The following KCNH3 variants were observed in gnomAD, a reference collection of about 807,000 sequenced individuals.
KCNH3 encodes potassium voltage-gated channel subfamily H member 3, also known as voltage-gated inwardly rectifying potassium channel KCNH3.
Under a neutral mutation model 95.6 loss-of-function variants are expected in KCNH3, and 36 were observed. That is an observed-to-expected ratio of 0.38 (90% confidence interval 0.29 to 0.50). The LOEUF is 0.50. Ranked by LOEUF, KCNH3 falls within the 20% of genes least tolerant of loss-of-function variation. The pLI, the probability that KCNH3 is intolerant of heterozygous loss-of-function variation, is 0.95. For missense variants in KCNH3, 1,030 were observed against 1,484.1 expected (o/e 0.69, Z 5.03); for synonymous variants, 620 against 646.3 (o/e 0.96, Z 0.62).
At position 49,557,450 on chromosome 12, in the gene KCNH3, CCGTGCCCTCGGGCATCGGGAGAGGGG is replaced by C. The variant is rs1364965645; in HGVS notation, c.2751_2776del (p.Cys918ValfsTer85). ...TGTCCTGGCGCCCCACAGGGAGGGT[CCGTGCCCTCGGGCATCGGGAGAGGGG>C]CCGTGCCCAGCCAGCACCTCCGGGC... On this transcript the variant is annotated frameshift_variant, in exon 15 of 15. Transcript: ENST00000257981. LOFTEE classifies it high-confidence loss of function. 6.2e-6 allele frequency: 10 copies of C among 1,610,460 alleles called. No homozygotes were observed. The highest frequency in any genetic ancestry group is 7.6e-6 in the Non-Finnish European group (9 of 1,178,534).
At position 49,554,568 on chromosome 12, in the gene KCNH3, G is replaced by A. The variant is rs747928840; in HGVS notation, c.2136+14G>A. ...GGCTCTGCAGAGGTGAGTGTGCTGA[G>A]TATGTGCTTGGAGGGGATGGGGGTG... is the stretch of plus-strand genomic sequence containing the variant. On this transcript the variant is annotated intron_variant, in intron 11 of 14. Coordinates refer to ENST00000257981, the MANE Select transcript of KCNH3 (RefSeq NM_012284.3). 2 of 1,602,464 alleles carry A rather than the reference G, an allele frequency of 1.2e-6. No individual in the cohort carries two copies. Among genetic ancestry groups the A allele is most frequent in the South Asian group, 1.1e-5 (1 of 90,896 alleles).
chr12:49,546,648 C>T (rs1282067085), intron 7 of KCNH3, among the ~76,000 whole-genome samples: 6 of 152,194 alleles, frequency 3.9e-5, no homozygotes, highest in South Asian at 2.1e-4. Flanking sequence ...CCTTGGTGTG[C>T]GAGCCCCCAG....
At chr12:49,546,170 G>A (rs1902330) in intron 7 of KCNH3, 27,229 of 152,010 alleles carry the variant, frequency 0.18, 3,362 homozygotes, top group African/African-American at 0.36. Flanking sequence ...AAGACCTTCA[G>A]CTCCCAAGAA....
rs757594344 is a variant in KCNH3 at position 49,549,143 on chromosome 12, ATCT to A, written c.1442_1444del (p.Phe481del). On this transcript the variant is annotated inframe_deletion, in exon 8 of 15. Transcript: ENST00000257981. ...GTCCGCCAACACGGACACCGAGAAGATCTTCTCCATCTGCACCATGCTCATCGG... is the reference window on the plus strand; with the variant it reads ...GTCCGCCAACACGGACACCGAGAAGATCTCCATCTGCACCATGCTCATCGG... 1 of 1,610,104 alleles carries A rather than the reference ATCT, an allele frequency of 6.2e-7. No homozygotes were observed. Among genetic ancestry groups the A allele is most frequent in the South Asian group, 1.1e-5 (1 of 90,812 alleles).
chr12:49,545,502 C>T (rs1353629171), intron 7 of KCNH3, among the ~76,000 whole-genome samples: 1 of 150,600 alleles, frequency 6.6e-6, no homozygotes, highest in Admixed American at 6.6e-5. Flanking sequence ...ACGCCATTCT[C>T]CTGCCTCAGC....
In KCNH3 at chr12:49,555,924, G is replaced by T. The variant is rs1938425832; in HGVS notation, c.2441G>T (p.Trp814Leu). 6.4e-7 allele frequency: 1 copy of T among 1,570,496 alleles called. No homozygotes were observed. Among genetic ancestry groups the T allele is most frequent in the Middle Eastern group, 1.7e-4 (1 of 5,878 alleles). The part of the protein sequence containing the change: ...LEGLRLPPMP[W>L]NVPPDLSPRV... ...GGGCTACGGCTGCCCCCCATGCCAT[G>T]GAATGTGCCCCCAGATCTGAGCCCC... Residue 814 changes from tryptophan to leucine, a missense_variant, in exon 12 of 15, where the codon TGG (tryptophan) becomes TTG (leucine). Physicochemically the swap from Trp to Leu is moderately conservative, Grantham distance 61. This residue lies in a region of KCNH3 where 464 missense variants were observed against 493.2 expected (regional missense o/e 0.94). Coordinates refer to ENST00000257981, the MANE Select transcript of KCNH3 (RefSeq NM_012284.3).
chr12:49,541,454 TC>T (rs2138137428), intron 2 of KCNH3, among the ~76,000 whole-genome samples, 175 bp from the exon 3 acceptor site: 1 of 152,344 alleles, frequency 6.6e-6, no homozygotes, highest in Admixed American at 6.5e-5. Flanking sequence ...CTCCCTTGCT[TC>T]CTTCCCCCAA....
At chr12:49,557,088 G>A (rs926773532) in intron 13 of KCNH3, 95 bp from the exon 14 acceptor site, 3 of 1,210,152 alleles carry the variant, frequency 2.5e-6, no homozygotes, top group Non-Finnish European at 2.4e-6. Flanking sequence ...GGTCCTACCA[G>A]GTCAATGTGC....
chr12:49,539,594 C>T lies in KCNH3; in HGVS notation c.76+102C>T. ...CAGCCCAGCTTGGCGCCAGCCTATT[C>T]TCACCCTCTCCTCCCTACCCGCCCC... On this transcript the variant is annotated intron_variant, in intron 1 of 14. Transcript: ENST00000257981. This position sits in a 1 kb window ranked among gnomAD's most constrained non-coding sequence, Gnocchi z 6.7. The T allele has an allele frequency of 1.0e-6, 1 of 987,712 alleles. No homozygotes were observed. The allele number at this position is 987,712 out of a possible 1,614,324, so 61.2% of individuals were successfully genotyped here. A position where few individuals can be genotyped will look rare whatever the true frequency, so the allele number is the denominator to read the frequency against.
intron 13 of KCNH3, 128 bp from the exon 14 acceptor site, chr12:49,557,055 A>G: frequency 2.2e-6 from 2 of 917,824 alleles, no homozygotes; most frequent in Non-Finnish European, 3.4e-6. Context: ...GGGCAAGGCC[A>G]GAAGAGATGA....
intron 5 of KCNH3, 23 bp downstream of exon 5, chr12:49,543,541 G>A (rs532106832): frequency 2.3e-5 from 37 of 1,580,870 alleles, no homozygotes; most frequent in Admixed American, 1.3e-4. Context: ...TGCCCCTTCC[G>A]CCCCACCCTT....
rs1937945420 is a variant in KCNH3 at position 49,543,535 on chromosome 12, C to T, written c.823+17C>T. On this transcript the variant is annotated intron_variant, in intron 5 of 14. Transcript: ENST00000257981. Reference sequence around the variant, plus strand: ...TCATCCTTGGTGCGTGCACTCTGCCCCTTCCGCCCCACCCTTTGCTGGCGC... The same window carrying T: ...TCATCCTTGGTGCGTGCACTCTGCCTCTTCCGCCCCACCCTTTGCTGGCGC... 4 of 1,583,234 alleles carry T rather than the reference C, an allele frequency of 2.5e-6. No individual in the cohort carries two copies. Among genetic ancestry groups the T allele is most frequent in the African/African-American group, 2.7e-5 (2 of 74,750 alleles).
chr12:49,542,617 TG>T, intron 3 of KCNH3, 88 bp from the exon 4 acceptor site: 1 of 1,423,212 alleles, frequency 7.0e-7, no homozygotes, highest in African/African-American at 1.4e-5. Context: ...GACCAGTCCA[TG>T]GGCCAGCAAC....
intron 7 of KCNH3, 127 bp downstream of exon 7, chr12:49,544,509 G>A (rs970648694): frequency 1.5e-5 from 14 of 917,192 alleles, no homozygotes; most frequent in African/African-American, 6.5e-5. Context: ...TCAGAGAAGA[G>A]GGTGTGCAGG....
At position 49,556,255 on chromosome 12, in the gene KCNH3, G is replaced by C. The variant is rs935945122; in HGVS notation, c.2469-115G>C. 3.8e-6 allele frequency: 3 copies of C among 780,580 alleles called. No individual in the cohort carries two copies. In the African/African-American group the frequency reaches 5.1e-5, roughly 13 times the overall value. The allele number at this position is 780,580 out of a possible 1,614,324, so 48.4% of individuals were successfully genotyped here. On this transcript the variant is annotated intron_variant, in intron 12 of 14. Coordinates refer to ENST00000257981, the MANE Select transcript of KCNH3 (RefSeq NM_012284.3). Reference sequence around the variant, plus strand: ...CATGTTAGCTTTCTCCTGGGCTCCTGGTCAGTTCCACGCTCCTGCAGCCTG... The same window carrying C: ...CATGTTAGCTTTCTCCTGGGCTCCTCGTCAGTTCCACGCTCCTGCAGCCTG...
chr12:49,544,141 T>TGCCAGCCCCG, intron 6 of KCNH3, 34 bp from the exon 7 acceptor site: 1 of 1,413,422 alleles, frequency 7.1e-7, no homozygotes, highest in Non-Finnish European at 9.7e-7. Flanking sequence ...CCCGCTGACC[T>TGCCAGCCCCG]CCCTCCCTCC....
chr12:49,541,230 C>G (rs140639580), intron 2 of KCNH3, 98 bp downstream of exon 2: 10 of 871,928 alleles, frequency 1.1e-5, no homozygotes, highest in Non-Finnish European at 1.8e-5. Flanking sequence ...TTGCCATCTT[C>G]TCCATCTCCC....
chr12:49,552,649 G>A (rs535241488), intron 10 of KCNH3, among the ~76,000 whole-genome samples: 8 of 152,234 alleles, frequency 5.3e-5, no homozygotes, highest in Non-Finnish European at 1.2e-4. Flanking sequence ...CTAAGCATAC[G>A]CAAAGTCCGT....
At position 49,541,002 on chromosome 12, in the gene KCNH3, C is replaced by G. The variant is rs1196750012; in HGVS notation, c.180C>G (p.Val60=). ...CDLTGFSRAE[V]MQRGCACSFL... ...TCACGGGCTTCTCCCGGGCTGAGGT[C>G]ATGCAGCGGGGCTGTGCCTGCTCCT... is the stretch of plus-strand genomic sequence containing the variant. The change falls in exon 2 of 15, where the codon GTC becomes GTG. Residue 60 remains valine, a synonymous_variant. Transcript: ENST00000257981. 1 of 1,614,128 alleles carries G rather than the reference C, an allele frequency of 6.2e-7. No homozygotes were observed. Among genetic ancestry groups the G allele is most frequent in the Admixed American group, 1.7e-5 (1 of 60,036 alleles).
Sources: gnomAD v4.1 joint callset for allele counts (sites outside exome capture counted in the v4.1 genomes callset) on GRCh38, gnomAD v4.1.1 for gene constraint, gnomAD v4.1.1 regional missense constraint, Gnocchi (gnomAD v3.1) non-coding constraint, MANE v1.5 for transcripts, NCBI Gene and HGNC (gene_info 2026-07-23, HGNC 2026-07-21) for gene names.